Variants in RBPMS observed in about 807,000 individuals in gnomAD.
RBPMS encodes the protein RNA binding protein, mRNA processing factor.
RBPMS carries 7 observed loss-of-function variants against 26.8 expected under a neutral mutation model. That is an observed-to-expected ratio of 0.26 (90% CI 0.15 to 0.49). The LOEUF (loss-of-function observed/expected upper bound fraction) is 0.49, where lower values mean the gene tolerates loss of function less well. Among genes scored for constraint, RBPMS ranks in the 20% least tolerant of loss-of-function variants. The pLI is 0.98. For missense variants in RBPMS, 186 were observed against 250.0 expected, an observed-to-expected ratio of 0.74 and a Z score of 1.73; for synonymous variants, 96 against 93.3, an observed-to-expected ratio of 1.03 and a Z score of -0.17.
At chr8:30,450,501 G>A (rs1204674047) in intron 1 of RBPMS, among the ~76,000 whole-genome samples, 1 of 152,164 alleles carries the variant, frequency 6.6e-6, no homozygotes, top group African/African-American at 2.4e-5. Context: ...TTCAGGTAGA[G>A]TCAGTTCCTG....
intron 1 of RBPMS, among the ~76,000 whole-genome samples, chr8:30,446,500 G>C (rs1375502981): frequency 6.6e-6 from 1 of 152,202 alleles, no homozygotes; most frequent in Non-Finnish European, 1.5e-5. Context: ...ATCCCTAATA[G>C]TGCGTGTATG....
intron 5 of RBPMS, among the ~76,000 whole-genome samples, chr8:30,543,366 G>A (rs1825584024): frequency 6.6e-6 from 1 of 152,188 alleles, no homozygotes; most frequent in Non-Finnish European, 1.5e-5. Context: ...GGATGGGAAG[G>A]ATGCAGAGAC....
chr8:30,463,347 TG>T (rs1816151837), intron 1 of RBPMS, among the ~76,000 whole-genome samples: 2 of 152,226 alleles, frequency 1.3e-5, no homozygotes, highest in Non-Finnish European at 2.9e-5. Flanking sequence ...ACATTTTAGC[TG>T]GGGCTGCGGT....
At chr8:30,466,619 G>A (rs572078318) in intron 1 of RBPMS, among the ~76,000 whole-genome samples, 13 of 149,682 alleles carry the variant, frequency 8.7e-5, no homozygotes, top group African/African-American at 2.2e-4. Flanking sequence ...TTTTGAGACG[G>A]AGTCTTGCTC....
At chr8:30,391,123 C>G (rs1807744337) in intron 1 of RBPMS, among the ~76,000 whole-genome samples, 1 of 152,156 alleles carries the variant, frequency 6.6e-6, no homozygotes, top group Non-Finnish European at 1.5e-5. Context: ...ACTTCCATCC[C>G]TTTGTCATTA....
chr8:30,482,522 A>G (rs190202647), intron 4 of RBPMS, among the ~76,000 whole-genome samples: 12 of 152,280 alleles, frequency 7.9e-5, no homozygotes, highest in Admixed American at 7.8e-4. Flanking sequence ...CTATTTTCTC[A>G]TTTTTGGACT....
At chr8:30,554,987 C>T (rs1394163799) in intron 6 of RBPMS, among the ~76,000 whole-genome samples, 1 of 152,156 alleles carries the variant, frequency 6.6e-6, no homozygotes, top group African/African-American at 2.4e-5. Context: ...GGCGTCCTCC[C>T]GAGACTAGTC....
intron 5 of RBPMS, among the ~76,000 whole-genome samples, chr8:30,510,125 TCTG>T (rs1398347271): frequency 1.3e-5 from 2 of 152,184 alleles, no homozygotes; most frequent in Non-Finnish European, 2.9e-5. Flanking sequence ...CACCTCAGTC[TCTG>T]CTGCTGTTGC....
intron 4 of RBPMS, among the ~76,000 whole-genome samples, chr8:30,503,600 G>A (rs899807161): frequency 6.6e-6 from 1 of 151,770 alleles, no homozygotes; most frequent in Non-Finnish European, 1.5e-5. Context: ...GAATGGTGGC[G>A]AGGGGGCGGG....
intron 1 of RBPMS, among the ~76,000 whole-genome samples, chr8:30,417,167 A>G (rs1284886707): frequency 6.6e-6 from 1 of 152,124 alleles, no homozygotes; most frequent in Non-Finnish European, 1.5e-5. Context: ...AATACAGTAA[A>G]ATCTTCTGAT....
chr8:30,534,024 C>T (rs1297083226), intron 5 of RBPMS, among the ~76,000 whole-genome samples: 1 of 151,862 alleles, frequency 6.6e-6, no homozygotes, highest in Non-Finnish European at 1.5e-5. Context: ...ATCCCAGCTA[C>T]TCGGGATGCT....
intron 6 of RBPMS, among the ~76,000 whole-genome samples, chr8:30,555,291 A>C (rs1482030746): frequency 6.6e-6 from 1 of 152,196 alleles, no homozygotes; most frequent in Non-Finnish European, 1.5e-5. Flanking sequence ...GGGATGGTAG[A>C]ATCCCAAACA....
At chr8:30,551,653 C>T (rs984859270) in intron 6 of RBPMS, among the ~76,000 whole-genome samples, 1 of 152,188 alleles carries the variant, frequency 6.6e-6, no homozygotes, top group African/African-American at 2.4e-5. Flanking sequence ...ACAAGTCGCA[C>T]CTGGAAGTGC....
chr8:30,425,257 C>T (rs1297649124), intron 1 of RBPMS, among the ~76,000 whole-genome samples: 1 of 152,108 alleles, frequency 6.6e-6, no homozygotes, highest in East Asian at 1.9e-4. Context: ...TCCATTATTA[C>T]TACTTTTATG....
intron 4 of RBPMS, among the ~76,000 whole-genome samples, chr8:30,502,188 A>C (rs190187109): frequency 3.4e-4 from 47 of 138,832 alleles, no homozygotes; most frequent in South Asian, 2.3e-4. Flanking sequence ...GATTTGGAAC[A>C]TGATGTTGAT....
chr8:30,423,633 G>A (rs779262671), intron 1 of RBPMS, among the ~76,000 whole-genome samples: 3 of 151,816 alleles, frequency 2.0e-5, no homozygotes, highest in Non-Finnish European at 4.4e-5. Flanking sequence ...GTGAATTGGT[G>A]GGGAGGAAGT....
chr8:30,467,384 C>T (rs544838182), intron 1 of RBPMS, among the ~76,000 whole-genome samples: 197 of 152,266 alleles, frequency 1.3e-3, no homozygotes, highest in Middle Eastern at 3.4e-3. Flanking sequence ...CCTGATGCCC[C>T]GCTTGTGCAT....
intron 1 of RBPMS, among the ~76,000 whole-genome samples, chr8:30,410,730 T>G (rs1036611059): frequency 3.3e-5 from 5 of 151,242 alleles, no homozygotes; most frequent in African/African-American, 7.3e-5. Context: ...TTTTTTTTTT[T>G]TTTGTTTGTT....
Position 30,566,258 on chromosome 8 carries a change from T to C in RBPMS, c.*9T>C, listed in dbSNP as rs528619713. ...ACGGGTGATCTTTCTCCATCCCAGG[T>C]CCCAGGTGTGTGATGGCGGCTGCAA... On this transcript the variant is annotated splice_region_variant and 3_prime_UTR_variant, in exon 8 of 9. Transcript: ENST00000397323. 6.1e-6 allele frequency: 6 copies of C among 985,956 alleles called. No homozygotes were observed. Among genetic ancestry groups the C allele is most frequent in the Admixed American group, 6.1e-5 (1 of 16,284 alleles). The allele number at this position is 985,956 out of a possible 1,614,324, so 61.1% of individuals were successfully genotyped here. A position where few individuals can be genotyped will look rare whatever the true frequency, so the allele number is the denominator to read the frequency against.
Sources: gnomAD v4.1 joint callset for allele counts (sites outside exome capture counted in the v4.1 genomes callset) on GRCh38, gnomAD v4.1.1 for gene constraint, MANE v1.5 for transcripts, NCBI Gene and HGNC (gene_info 2026-07-23, HGNC 2026-07-21) for gene names.